RBL1: variants seen among roughly 807,000 people sequenced by gnomAD.
RBL1 encodes RB transcriptional corepressor like 1.
In RBL1, 82 loss-of-function variants were observed where a neutral mutation model predicts 123.0. That is an observed-to-expected ratio of 0.67 (90% CI 0.56 to 0.80). The LOEUF (loss-of-function observed/expected upper bound fraction) is 0.80. RBL1 is among the 30% of genes least tolerant of loss of function. The probability of loss-of-function intolerance (pLI) is 0.00; values close to 1 mark genes in which losing one functional copy is unlikely to be tolerated. For synonymous variants in RBL1, 405 were observed against 441.3 expected (o/e 0.92, Z 1.03); for missense variants, 1,171 against 1,299.6 (o/e 0.90, Z 1.52).
intron 1 of RBL1, among the ~76,000 whole-genome samples, chr20:37,093,040 C>G (rs1418407084): frequency 6.6e-6 from 1 of 151,998 alleles, no homozygotes; most frequent in Admixed American, 6.6e-5. Context: ...GTGAGATATA[C>G]AAGCTATAAG....
At chr20:37,095,423 C>A (rs1011267869) in intron 1 of RBL1, among the ~76,000 whole-genome samples, 1 of 152,210 alleles carries the variant, frequency 6.6e-6, no homozygotes, top group African/African-American at 2.4e-5. Context: ...GCAGTGATGT[C>A]TTGGCATGCA....
intron 2 of RBL1, among the ~76,000 whole-genome samples, chr20:37,080,839 C>G (rs2065437513): frequency 6.6e-6 from 1 of 152,068 alleles, no homozygotes; most frequent in African/African-American, 2.4e-5. Context: ...TAGTGAGTGG[C>G]CACCTAGGCT....
At chr20:37,095,343 C>T (rs2065717014) in intron 1 of RBL1, among the ~76,000 whole-genome samples, 1 of 152,188 alleles carries the variant, frequency 6.6e-6, no homozygotes, top group Non-Finnish European at 1.5e-5. Context: ...TAGGGCTCCG[C>T]TTCCTCTTGC....
chr20:36,999,576 C>T (rs1400270205), intron 21 of RBL1, among the ~76,000 whole-genome samples: 2 of 151,900 alleles, frequency 1.3e-5, no homozygotes, highest in African/African-American at 2.4e-5. Flanking sequence ...CATCTCGGCT[C>T]ACTGCAACCT....
At chr20:37,038,493 G>T (rs2064666751) in intron 14 of RBL1, among the ~76,000 whole-genome samples, 1 of 146,142 alleles carries the variant, frequency 6.8e-6, no homozygotes, top group African/African-American at 2.6e-5. Context: ...TAGAGATAGG[G>T]TTTCTCCATC....
At chr20:37,055,439 G>A in intron 11 of RBL1, 114 bp downstream of exon 11, 1 of 1,520,398 alleles carries the variant, frequency 6.6e-7, no homozygotes, top group Non-Finnish European at 8.9e-7. Flanking sequence ...TGCCATCCTG[G>A]CCAAGTGTGT....
At chr20:37,095,305 T>TCCATCTACA (rs1406592379) in intron 1 of RBL1, among the ~76,000 whole-genome samples, 1 of 152,186 alleles carries the variant, frequency 6.6e-6, no homozygotes, top group Non-Finnish European at 1.5e-5. Context: ...TCTAACCGTG[T>TCCATCTACA]GACCTTGGGC....
At chr20:37,040,577 T>G (rs1350365383) in intron 13 of RBL1, among the ~76,000 whole-genome samples, 1 of 152,158 alleles carries the variant, frequency 6.6e-6, no homozygotes, top group Non-Finnish European at 1.5e-5. Context: ...GATCTCGAAT[T>G]CCTGACCTCA....
chr20:37,069,805 C>T (rs988824429), intron 2 of RBL1, among the ~76,000 whole-genome samples: 1 of 150,946 alleles, frequency 6.6e-6, no homozygotes, highest in African/African-American at 2.5e-5. Flanking sequence ...GTGGGGGGGT[C>T]AGCCCCCTGC....
At chr20:37,057,004 TCTACCTAC>T (rs58869678) in intron 9 of RBL1, among the ~76,000 whole-genome samples, 8,863 of 147,548 alleles carry the variant, frequency 0.06, 261 homozygotes, top group Non-Finnish European at 0.071. Context: ...TATCTATCTA[TCTACCTAC>T]CTACCTACCT....
intron 12 of RBL1, among the ~76,000 whole-genome samples, chr20:37,044,786 A>T (rs1242437238): frequency 6.6e-6 from 1 of 152,192 alleles, no homozygotes; most frequent in Non-Finnish European, 1.5e-5. Context: ...TTATATTATA[A>T]ATGACAACTT....
chr20:37,067,756 T>TGA (rs1267350931), intron 3 of RBL1, among the ~76,000 whole-genome samples: 1 of 82,190 alleles, frequency 1.2e-5, no homozygotes, highest in Non-Finnish European at 2.2e-5. Flanking sequence ...GGCAACAGAA[T>TGA]GAGACTCCTC....
chr20:37,088,852 G>A, intron 2 of RBL1, 137 bp downstream of exon 2: 1 of 527,334 alleles, frequency 1.9e-6, no homozygotes, highest in East Asian at 5.6e-5. Flanking sequence ...GGCACAGTGA[G>A]ACTGCGTCTC....
chr20:37,039,247 G>T (rs1249491616), intron 14 of RBL1, among the ~76,000 whole-genome samples: 1 of 152,114 alleles, frequency 6.6e-6, no homozygotes, highest in Admixed American at 6.6e-5. Context: ...ATTCCAAAGA[G>T]AATACAAATT....
intron 16 of RBL1, among the ~76,000 whole-genome samples, chr20:37,023,709 TG>T (rs1347671879): frequency 1.3e-5 from 2 of 152,216 alleles, no homozygotes; most frequent in East Asian, 1.9e-4. Flanking sequence ...CCTGCAAGAT[TG>T]TTTTTTTATT....
chr20:37,042,907 CAA>C (rs1245245162), intron 13 of RBL1, among the ~76,000 whole-genome samples: 1,937 of 53,352 alleles, frequency 0.036, 32 homozygotes, highest in Middle Eastern at 0.19. Flanking sequence ...CCCCCCCCTC[CAA>C]AAAAAAAAAA....
At chr20:37,064,144 T>C (rs1472660862) in intron 7 of RBL1, among the ~76,000 whole-genome samples, 119 of 149,616 alleles carry the variant, frequency 8.0e-4, no homozygotes, top group South Asian at 1.5e-3. Context: ...TCTTTCTTTT[T>C]TTTTTTTTTT....
chr20:37,004,017 C>T (rs2064029977), intron 20 of RBL1, 151 bp from the exon 21 acceptor site: 23 of 480,258 alleles, frequency 4.8e-5, no homozygotes, highest in Middle Eastern at 6.4e-4. Flanking sequence ...TCCTTTACTT[C>T]TTCTTTTTTT....
chr20:37,057,271 G>A (rs1049382955), intron 9 of RBL1, among the ~76,000 whole-genome samples: 2 of 152,106 alleles, frequency 1.3e-5, no homozygotes, highest in African/African-American at 4.8e-5. Flanking sequence ...TTTGAGGAAC[G>A]TCCGTACTGT....
Sources: allele counts gnomAD v4.1 joint callset (sites outside exome capture counted in the v4.1 genomes callset), GRCh38; gene constraint gnomAD v4.1.1; transcripts MANE v1.5; gene names NCBI Gene and HGNC (gene_info 2026-07-23, HGNC 2026-07-21).